The following PDE1C variants were observed in gnomAD, a reference collection of about 807,000 sequenced individuals.
The protein encoded by PDE1C is dual specificity calcium/calmodulin-dependent 3',5'-cyclic nucleotide phosphodiesterase 1C.
A neutral mutation model predicts 93.1 loss-of-function variants in PDE1C; 62 were observed. That is an observed-to-expected ratio of 0.67 (90% confidence interval 0.54 to 0.82). The LOEUF (loss-of-function observed/expected upper bound fraction) is 0.82. Ranked by LOEUF, PDE1C falls within the 40% of genes least tolerant of loss-of-function variation. The probability of loss-of-function intolerance (pLI) is 0.00; values close to 1 mark genes in which losing one functional copy is unlikely to be tolerated. For synonymous variants in PDE1C, 325 were observed against 310.1 expected, an observed-to-expected ratio of 1.05 and a Z score of -0.50; for missense variants, 742 against 884.6, an observed-to-expected ratio of 0.84 and a Z score of 2.04.
intron 3 of PDE1C, among the ~76,000 whole-genome samples, chr7:32,107,692 A>G (rs895145456): frequency 7.9e-5 from 12 of 152,222 alleles, no homozygotes; most frequent in Non-Finnish European, 1.8e-4. Flanking sequence ...ATGCAAGTCA[A>G]ACTCAGATCT....
At chr7:31,701,817 A>AT in the PDE1C span, among the ~76,000 whole-genome samples, 1 of 152,226 alleles carries the variant, frequency 6.6e-6, no homozygotes, top group African/African-American at 2.4e-5. Context: ...GCAATAAAGT[A>AT]TTTTTAAATT....
chr7:31,772,582 A>G (rs1352902856), intron 17 of PDE1C, among the ~76,000 whole-genome samples: 5 of 143,854 alleles, frequency 3.5e-5, no homozygotes, highest in Admixed American at 3.4e-4. Context: ...ATATTTTTTT[A>G]TTATAATTTT....
At chr7:32,420,348 T>C (rs1785397762) in intron 1 of PDE1C, among the ~76,000 whole-genome samples, 1 of 17,000 alleles carries the variant, frequency 5.9e-5, no homozygotes. Context: ...TGTGTATATA[T>C]ATGTGTATAT....
chr7:32,374,107 G>GGAGGGAAT (rs1784378308), intron 1 of PDE1C, among the ~76,000 whole-genome samples: 2 of 13,938 alleles, frequency 1.4e-4, no homozygotes, highest in African/African-American at 4.2e-4. Flanking sequence ...AGGGAGGGAA[G>GGAGGGAAT]GAAGGAAGGA....
intron 12 of PDE1C, 56 bp from the exon 13 acceptor site, chr7:31,825,043 T>A: frequency 2.5e-6 from 4 of 1,604,152 alleles, no homozygotes; most frequent in Admixed American, 1.7e-5. Flanking sequence ...GGCCTTTCCA[T>A]ACTTTCCAGA....
chr7:31,754,537 T>A (rs575046034), intron 17 of PDE1C, among the ~76,000 whole-genome samples: 1 of 152,342 alleles, frequency 6.6e-6, no homozygotes, highest in East Asian at 1.9e-4. Context: ...ATTTATACAA[T>A]GGAATATTAT....
rs111874369 is a variant in PDE1C at position 31,921,788 on chromosome 7, C to T, written c.129-40928G>A. Among the ~76,000 whole-genome samples, 844 of 152,206 alleles carry T rather than the reference C, an allele frequency of 5.5e-3. 9 individuals carry two copies. The highest frequency in any genetic ancestry group is 0.019 in the African/African-American group (784 of 41,518). ...TGCTTACTTTTAATTTTATATAATGCTTTTACTGTTATTAATAACTTTTTT... is the reference window on the plus strand; with the variant it reads ...TGCTTACTTTTAATTTTATATAATGTTTTTACTGTTATTAATAACTTTTTT... On this transcript the variant is annotated intron_variant, in intron 2 of 17. Transcript: ENST00000396191.
intron 1 of PDE1C, among the ~76,000 whole-genome samples, chr7:32,403,927 G>C (rs578038275): frequency 6.6e-6 from 1 of 152,044 alleles, no homozygotes; most frequent in Non-Finnish European, 1.5e-5. Context: ...GTGAGGTTAA[G>C]GACACAGGAA....
At chr7:31,816,251 G>C in intron 14 of PDE1C, 97 bp from the exon 15 acceptor site, 1 of 1,112,638 alleles carries the variant, frequency 9.0e-7, no homozygotes, top group Non-Finnish European at 1.3e-6. Context: ...AGTATCTAAG[G>C]TGTTTACTGA....
At chr7:32,185,472 T>C (rs958679680) in intron 2 of PDE1C, among the ~76,000 whole-genome samples, 4 of 152,136 alleles carry the variant, frequency 2.6e-5, no homozygotes, top group African/African-American at 4.8e-5. Flanking sequence ...AAATTGCCTA[T>C]AAAACTCTTG....
At chr7:31,994,791 G>A (rs1343606019) in intron 2 of PDE1C, among the ~76,000 whole-genome samples, 1 of 152,160 alleles carries the variant, frequency 6.6e-6, no homozygotes, top group Non-Finnish European at 1.5e-5. Context: ...CAGGAAGAGT[G>A]ACGGCACAAT....
At chr7:31,844,894 T>G (rs1792358365) in intron 9 of PDE1C, among the ~76,000 whole-genome samples, 1 of 152,102 alleles carries the variant, frequency 6.6e-6, no homozygotes, top group African/African-American at 2.4e-5. Context: ...AAAAATGAAT[T>G]TTTAAAAGTC....
At chr7:32,129,229 C>T (rs563450501) in intron 3 of PDE1C, among the ~76,000 whole-genome samples, 13 of 151,542 alleles carry the variant, frequency 8.6e-5, no homozygotes, top group African/African-American at 2.9e-4. Context: ...GTAGAGACCA[C>T]CATACTGAAG....
chr7:31,689,120 G>A, the PDE1C span, among the ~76,000 whole-genome samples: 12 of 152,284 alleles, frequency 7.9e-5, no homozygotes, highest in Non-Finnish European at 1.0e-4. Flanking sequence ...TCCACAGCAC[G>A]TTTGACTCCA....
chr7:32,321,460 C>A (rs191026639), intron 1 of PDE1C, among the ~76,000 whole-genome samples: 2 of 152,118 alleles, frequency 1.3e-5, no homozygotes, highest in South Asian at 2.1e-4. Context: ...AAAATAGATG[C>A]CCCTTACTTT....
At chr7:31,790,382 C>G in intron 16 of PDE1C, 1 of 734,682 alleles carries the variant, frequency 1.4e-6, no homozygotes, top group Non-Finnish European at 2.3e-6. Context: ...ACCAATTAAA[C>G]ATTTCCATAC....
At chr7:32,414,905 GT>G (rs1785241627) in intron 1 of PDE1C, among the ~76,000 whole-genome samples, 1 of 151,496 alleles carries the variant, frequency 6.6e-6, no homozygotes, top group Non-Finnish European at 1.5e-5. Flanking sequence ...AATATTCTAA[GT>G]TAATGTATTT....
the PDE1C span, among the ~76,000 whole-genome samples, chr7:31,708,944 T>C: frequency 2.0e-5 from 3 of 152,192 alleles, no homozygotes; most frequent in African/African-American, 7.2e-5. Context: ...GGAATAAAAC[T>C]GTGGCCGGGT....
intron 1 of PDE1C, among the ~76,000 whole-genome samples, chr7:32,336,078 G>T (rs73314463): frequency 0.01 from 1,527 of 152,228 alleles, 25 homozygotes; most frequent in African/African-American, 0.035. Context: ...TCATCAGGGG[G>T]CACAGTTCAG....
Sources: allele counts gnomAD v4.1 joint callset (sites outside exome capture counted in the v4.1 genomes callset), GRCh38; gene constraint gnomAD v4.1.1; transcripts MANE v1.5; gene names NCBI Gene and HGNC (gene_info 2026-07-23, HGNC 2026-07-21).